DNAAF3: variants seen among roughly 807,000 people sequenced by gnomAD.
DNAAF3 encodes the protein dynein axonemal assembly factor 3, also known as UPF0470 protein C19orf51.
Under a neutral mutation model 50.9 loss-of-function variants are expected in DNAAF3, and 40 were observed. That is an observed-to-expected ratio of 0.79 (90% confidence interval 0.61 to 1.02). The LOEUF (loss-of-function observed/expected upper bound fraction) is 1.02, where lower values mean the gene tolerates loss of function less well. DNAAF3 is among the 50% of genes least tolerant of loss of function. The pLI is 0.00. For synonymous variants in DNAAF3, 327 were observed against 322.8 expected (o/e 1.01, Z -0.14); for missense variants, 763 against 744.7 (o/e 1.02, Z -0.29).
Position 55,160,958 on chromosome 19 carries a change from CGGGCGGGGTCTGGAGCTGG to C in DNAAF3, c.912+88_912+106del. On this transcript the variant is annotated intron_variant, in intron 8 of 11. Transcript: ENST00000524407. The surrounding 1 kb of genome is among the most constrained non-coding windows in gnomAD (Gnocchi z 4.7). The stretch of plus-strand genomic sequence containing the variant: ...GAATGGAGTCGTTCCCACCAAGCGA[CGGGCGGGGTCTGGAGCTGG>C]GGGCGGGGCCTGCTGTGGGGGCGGG... The C allele has an allele frequency of 1.4e-6, 2 of 1,451,402 alleles. No homozygotes were observed. Among genetic ancestry groups the C allele is most frequent in the Non-Finnish European group, 1.8e-6 (2 of 1,104,546 alleles). 89.9% of individuals were successfully genotyped at this position (1,451,402 alleles called of 1,614,324 possible). A position where few individuals can be genotyped will look rare whatever the true frequency, so the allele number is the denominator to read the frequency against.
Position 55,165,863 on chromosome 19 carries a change from A to C in DNAAF3, c.223T>G (p.Phe75Val). Residue 75 changes from phenylalanine (F) to valine (V), a missense_variant, in exon 3 of 12, where the codon TTC (phenylalanine) becomes GTC (valine). Transcript: ENST00000524407. Reference protein sequence around the residue: ...SRAKFWPRRRFNFFVLENNLE... With the variant: ...SRAKFWPRRRVNFFVLENNLE... The stretch of plus-strand genomic sequence containing the variant: ...TCATCTTCATCCCAGCTCACGTTGA[A>C]CCTCCTGCGAGGCCAGAACTTCGCT... The C allele has an allele frequency of 6.2e-7, 1 of 1,613,460 alleles. No individual in the cohort carries two copies. The highest frequency in any genetic ancestry group is 8.5e-7 in the Non-Finnish European group (1 of 1,179,882).
upstream of DNAAF3, chr19:55,166,649 G>GTGGGA (rs766692824): frequency 1.9e-6 from 3 of 1,612,890 alleles, no homozygotes; most frequent in Non-Finnish European, 2.5e-6. The surrounding 1 kb of genome is among the most constrained non-coding windows in gnomAD (Gnocchi z 4.0). Flanking sequence ...ATGGAAGCAT[G>GTGGGA]TGGGATGGGA....
Position 55,159,274 on chromosome 19 carries a change from C to T in DNAAF3, c.1414G>A (p.Gly472Arg), listed in dbSNP as rs201919395. 397 of 1,614,036 alleles carry T rather than the reference C, an allele frequency of 2.5e-4. No individual in the cohort carries two copies. The highest frequency in any genetic ancestry group is 1.5e-3 in the Middle Eastern group (9 of 6,062). ...GCCAGGATGTCAAGGGGCGGAGTTC[C>T]GGGTTCCACAGCTGGGACAGTGTTG... is the stretch of plus-strand genomic sequence containing the variant. Reference protein sequence around the residue: ...LGNTVPAVEPGTPPLDILAQP... With the variant: ...LGNTVPAVEPRTPPLDILAQP... Residue 472 changes from glycine (G) to arginine (R), a missense_variant, in exon 12 of 12, where the codon GGA (glycine) becomes AGA (arginine). Physicochemically the swap from Gly to Arg is moderately radical, Grantham distance 125. Coordinates refer to ENST00000524407, the MANE Select transcript of DNAAF3 (RefSeq NM_001256715.2).
intron 4 of DNAAF3, chr19:55,162,736 G>C (rs952886995): frequency 1.1e-6 from 1 of 938,270 alleles, no homozygotes; most frequent in African/African-American, 1.8e-5. Context: ...CATTTACATT[G>C]TATTACATAT....
Position 55,159,550 on chromosome 19 carries a change from C to G in DNAAF3, c.1221G>C (p.Leu407Phe), listed in dbSNP as rs765675817. The change falls in exon 11 of 12, where the codon TTG (leucine) becomes TTC (phenylalanine). Residue 407 changes from leucine (L) to phenylalanine (F), a missense_variant. By Grantham distance (22) the Leu-to-Phe change is conservative. Transcript: ENST00000524407. ...TGACTCACCGGGCTAATTCCACAAT[C>G]AAGTTCCCTCCGGGTGCCACACAGG... ...LGACVAPGGN[L>F]IVELARYLVD... The G allele has an allele frequency of 2.5e-6, 4 of 1,601,450 alleles. No homozygotes were observed. The highest frequency in any genetic ancestry group is 3.3e-4 in the Middle Eastern group (2 of 6,006).
chr19:55,163,621 C>A (rs1885604286), intron 4 of DNAAF3, among the ~76,000 whole-genome samples: 1 of 152,174 alleles, frequency 6.6e-6, no homozygotes, highest in African/African-American at 2.4e-5. Context: ...GGGACTTGAG[C>A]ATCCTTGGAT....
rs2085842129 is a variant in DNAAF3 at position 55,161,834 on chromosome 19, C to CCAGGCA, written c.481-15_481-10dup. 3 of 1,433,068 alleles carry CCAGGCA rather than the reference C, an allele frequency of 2.1e-6. No individual in the cohort carries two copies. The East Asian group carries it at 8.0e-5, about 38-fold the overall frequency. 88.8% of individuals were successfully genotyped at this position (1,433,068 alleles called of 1,614,324 possible). On this transcript the variant is annotated splice_polypyrimidine_tract_variant and intron_variant, in intron 5 of 11. Coordinates refer to ENST00000524407, the MANE Select transcript of DNAAF3 (RefSeq NM_001256715.2). This position sits in a 1 kb window ranked among gnomAD's most constrained non-coding sequence, Gnocchi z 6.4. ...GCATCCCGCTCGCGGAACTGCGGGG[C>CCAGGCA]CAGGCACGCGGTGGGACAGAGGAAG...
Position 55,160,904 on chromosome 19 carries a change from C to A in DNAAF3, c.913-129G>T. The stretch of plus-strand genomic sequence containing the variant: ...TGGAGGATGTGAAGTGGGGCGGGAC[C>A]TATCCCGCGGGGATGGGGCCTGTTC... On this transcript the variant is annotated intron_variant, in intron 8 of 11. Coordinates refer to ENST00000524407, the MANE Select transcript of DNAAF3 (RefSeq NM_001256715.2). The surrounding 1 kb of genome is among the most constrained non-coding windows in gnomAD (Gnocchi z 4.7). 2 of 1,454,230 alleles carry A rather than the reference C, an allele frequency of 1.4e-6. No homozygotes were observed. The highest frequency in any genetic ancestry group is 1.4e-5 in the South Asian group (1 of 73,616). The allele number at this position is 1,454,230 out of a possible 1,614,324, so 90.1% of individuals were successfully genotyped here.
rs540267495 is a variant in DNAAF3 at position 55,163,480 on chromosome 19, C to T, written c.323-1190G>A. Among the ~76,000 whole-genome samples, 19 of 151,728 alleles carry T rather than the reference C, an allele frequency of 1.3e-4. No individual in the cohort carries two copies. In the South Asian group the frequency reaches 2.1e-3, roughly 17 times the overall value. On this transcript the variant is annotated intron_variant, in intron 4 of 11. Transcript: ENST00000524407. ...GCCAATATTTTATTTCTTGTAGAGA[C>T]GGGGTCTCACTATGTTGACCAGGCC...
At position 55,159,918 on chromosome 19, in the gene DNAAF3, G is replaced by C. The variant is rs1466928929; in HGVS notation, c.1144C>G (p.Leu382Val). 1 of 1,614,022 alleles carries C rather than the reference G, an allele frequency of 6.2e-7. No individual in the cohort carries two copies. Among genetic ancestry groups the C allele is most frequent in the Non-Finnish European group, 8.5e-7 (1 of 1,180,010 alleles). The change falls in exon 10 of 12, where the codon CTC (leucine) becomes GTC (valine). Residue 382 changes from leucine (L) to valine (V), a missense_variant. Coordinates refer to ENST00000524407, the MANE Select transcript of DNAAF3 (RefSeq NM_001256715.2). ...HKSCYNGRFQ[L>V]LYVACGMVHL... is the part of the protein sequence containing the mutation. ...GCTTACCCACAGGCCACATAGAGGA[G>C]CTGGAATCGGCCGTTGTAGCAGCTC...
rs778885305 is a variant in DNAAF3, at chr19:55,159,419, C to CAGCT, written c.1265_1268dup (p.Gln424AlafsTer55). ...CCCTGACCCGGGTGTTGAATCCCTG[C>CAGCT]AGCTGCTCCTGCCGCACGTCCACCA... is the stretch of plus-strand genomic sequence containing the variant. On this transcript the variant is annotated frameshift_variant, in exon 12 of 12. Coordinates refer to ENST00000524407, the MANE Select transcript of DNAAF3 (RefSeq NM_001256715.2). LOFTEE classifies it low-confidence loss of function (END_TRUNC). 1 of 1,614,124 alleles carries CAGCT rather than the reference C, an allele frequency of 6.2e-7. No homozygotes were observed. The highest frequency in any genetic ancestry group is 1.3e-5 in the African/African-American group (1 of 75,052).
chr19:55,159,882 G>C lies in DNAAF3; in HGVS notation c.1163+17C>G, dbSNP rs1328379042. The C allele has an allele frequency of 6.2e-7, 1 of 1,611,776 alleles. No individual in the cohort carries two copies. Among genetic ancestry groups the C allele is most frequent in the Non-Finnish European group, 8.5e-7 (1 of 1,178,246 alleles). The stretch of plus-strand genomic sequence containing the variant: ...CTGATCCTGGGTCTTTGTGAGCACA[G>C]CTGCCTCCCCGCTTACCCACAGGCC... On this transcript the variant is annotated intron_variant, in intron 10 of 11. Transcript: ENST00000524407.
chr19:55,162,026 C>A lies in DNAAF3; in HGVS notation c.480+107G>T, dbSNP rs553540882. 5.0e-5 allele frequency: 67 copies of A among 1,342,402 alleles called. No individual in the cohort carries two copies. The East Asian group carries it at 1.9e-3, about 38-fold the overall frequency. The allele number at this position is 1,342,402 out of a possible 1,614,324, so 83.2% of individuals were successfully genotyped here. ...CAGTGGGAGTCGGGGAACTGGGATT[C>A]GAACCCCCTAGCCCGCCGCCTGCTC... On this transcript the variant is annotated intron_variant, in intron 5 of 11. Coordinates refer to ENST00000524407, the MANE Select transcript of DNAAF3 (RefSeq NM_001256715.2).
chr19:55,162,502 G>A (rs1040330765), intron 4 of DNAAF3: 3 of 800,334 alleles, frequency 3.7e-6, no homozygotes, highest in South Asian at 6.5e-5. Context: ...CAGGAGAATC[G>A]CTTGAACCCG....
rs770679152 is a variant in DNAAF3 at position 55,162,222 on chromosome 19, G to A, written c.391C>T (p.Arg131Cys). ...LLRPPVAAFV[R>C]AQADLLAHLV... ...TGCGCCAGCAGGTCGGCCTGGGCAC[G>A]CACGAAGGCGGCCACTGGCGGGCGC... Residue 131 changes from arginine to cysteine, a missense_variant, in exon 5 of 12, where the codon CGT (arginine) becomes TGT (cysteine). Transcript: ENST00000524407. 14 of 1,252,284 alleles carry A rather than the reference G, an allele frequency of 1.1e-5. No homozygotes were observed. In the Admixed American group the frequency reaches 1.7e-4, roughly 15 times the overall value. 77.6% of individuals were successfully genotyped at this position (1,252,284 alleles called of 1,614,324 possible).
In DNAAF3 at chr19:55,159,392, C is replaced by T; in HGVS notation, c.1296G>A (p.Glu432=). ...GAGCAAATCCAGCTGCCTGAGCTAG[C>T]TCCCTGACCCGGGTGTTGAATCCCT... is the stretch of plus-strand genomic sequence containing the variant. The part of the protein sequence containing the change: ...QLQGFNTRVR[E]LAQAAGFAPQ... The change falls in exon 12 of 12, where the codon GAG becomes GAA. Residue 432 remains glutamate, a synonymous_variant. Coordinates refer to ENST00000524407, the MANE Select transcript of DNAAF3 (RefSeq NM_001256715.2). 1 of 1,614,168 alleles carries T rather than the reference C, an allele frequency of 6.2e-7. No individual in the cohort carries two copies. The highest frequency in any genetic ancestry group is 8.5e-7 in the Non-Finnish European group (1 of 1,180,036).
rs377638077 is a variant in DNAAF3, at chr19:55,160,034, G to A, written c.1049-21C>T. On this transcript the variant is annotated intron_variant, in intron 9 of 11. Coordinates refer to ENST00000524407, the MANE Select transcript of DNAAF3 (RefSeq NM_001256715.2). The surrounding 1 kb of genome is among the most constrained non-coding windows in gnomAD (Gnocchi z 4.7). Reference sequence around the variant, plus strand: ...GGCTGCTGGGGGAAGGGGATAGAGGGGTCACCTCTGACAGGCGGAGCCATA... The same window carrying A: ...GGCTGCTGGGGGAAGGGGATAGAGGAGTCACCTCTGACAGGCGGAGCCATA... 5.3e-6 allele frequency: 8 copies of A among 1,511,206 alleles called. No homozygotes were observed. Among genetic ancestry groups the A allele is most frequent in the Non-Finnish European group, 6.4e-6 (7 of 1,088,256 alleles). 93.6% of individuals were successfully genotyped at this position (1,511,206 alleles called of 1,614,324 possible).
Position 55,160,148 on chromosome 19 carries a change from C to T in DNAAF3, c.1049-135G>A, listed in dbSNP as rs535410764. ...GATAACACTTTTTGTCCTCTTGCAGCTTTTTAAAAAATCCTCTAAGGTAGG... is the reference window on the plus strand; with the variant it reads ...GATAACACTTTTTGTCCTCTTGCAGTTTTTTAAAAAATCCTCTAAGGTAGG... On this transcript the variant is annotated intron_variant, in intron 9 of 11. Coordinates refer to ENST00000524407, the MANE Select transcript of DNAAF3 (RefSeq NM_001256715.2). The surrounding 1 kb of genome is among the most constrained non-coding windows in gnomAD (Gnocchi z 4.7). 3.0e-6 allele frequency: 2 copies of T among 665,764 alleles called. No homozygotes were observed. The highest frequency in any genetic ancestry group is 5.4e-5 in the East Asian group (2 of 36,950). The allele number at this position is 665,764 out of a possible 1,614,324, so 41.2% of individuals were successfully genotyped here.
At position 55,161,520 on chromosome 19, in the gene DNAAF3, T is replaced by A; in HGVS notation, c.664-102A>T. On this transcript the variant is annotated intron_variant, in intron 6 of 11. Transcript: ENST00000524407. This position sits in a 1 kb window ranked among gnomAD's most constrained non-coding sequence, Gnocchi z 6.4. ...CCCAGGAGTCCAGGTCCCCAGGCCCTCCTCCCTCAGACCCAGGAGTTCAGG... is the reference window on the plus strand; with the variant it reads ...CCCAGGAGTCCAGGTCCCCAGGCCCACCTCCCTCAGACCCAGGAGTTCAGG... 1 of 1,494,248 alleles carries A rather than the reference T, an allele frequency of 6.7e-7. No individual in the cohort carries two copies. Among genetic ancestry groups the A allele is most frequent in the Non-Finnish European group, 8.9e-7 (1 of 1,123,986 alleles). The allele number at this position is 1,494,248 out of a possible 1,614,324, so 92.6% of individuals were successfully genotyped here. A position where few individuals can be genotyped will look rare whatever the true frequency, so the allele number is the denominator to read the frequency against.
Sources: gnomAD v4.1 joint callset for allele counts (sites outside exome capture counted in the v4.1 genomes callset) on GRCh38, gnomAD v4.1.1 for gene constraint, Gnocchi (gnomAD v3.1) non-coding constraint, MANE v1.5 for transcripts, NCBI Gene and HGNC (gene_info 2026-07-23, HGNC 2026-07-21) for gene names.